The following IPO11 variants were observed in gnomAD, a reference collection of about 807,000 sequenced individuals.
IPO11 encodes the protein importin 11.
A neutral mutation model predicts 143.2 loss-of-function variants in IPO11; 66 were observed. The ratio of observed to expected loss-of-function variants is 0.46; its 90% CI spans 0.38 to 0.57. IPO11 has a LOEUF of 0.57. IPO11 is among the 20% of genes least tolerant of loss of function. IPO11 has a pLI of 0.00. For missense variants in IPO11, 1,026 were observed against 1,141.0 expected, an observed-to-expected ratio of 0.90 and a Z score of 1.45; for synonymous variants, 385 against 377.8, an observed-to-expected ratio of 1.02 and a Z score of -0.22.
In IPO11 at chr5:62,592,059, A is replaced by C. The variant is rs980895529; in HGVS notation, c.2678+387A>C. Among the ~76,000 whole-genome samples, 174 of 152,254 alleles carry C rather than the reference A, an allele frequency of 1.1e-3. 4 individuals are homozygous for C. Among genetic ancestry groups the C allele is most frequent in the Non-Finnish European group, 1.9e-4 (13 of 68,014 alleles). ...GAGACGGGGTTTCTCCATGTTGGTC[A>C]GGGTGGTCTTGAACTCCCGACCTCA... On this transcript the variant is annotated intron_variant, in intron 28 of 29. Transcript: ENST00000325324.
chr5:62,414,806 TGAA>T (rs1286420994), intron 1 of IPO11, among the ~76,000 whole-genome samples: 1 of 152,198 alleles, frequency 6.6e-6, no homozygotes, highest in African/African-American at 2.4e-5. Flanking sequence ...TGGTAACAGT[TGAA>T]GAACACTGAG....
In IPO11 at chr5:62,551,399, G is replaced by T. The variant is rs117099536; in HGVS notation, c.2460+63G>T. On this transcript the variant is annotated intron_variant, in intron 26 of 29. Coordinates refer to ENST00000325324, the MANE Select transcript of IPO11 (RefSeq NM_016338.5). The stretch of plus-strand genomic sequence containing the variant: ...TCTAAATATAAATTAGAAATAGTTT[G>T]ATGAAATAATGAGTCTTTGTAAAAG... 2.4e-4 allele frequency: 213 copies of T among 898,314 alleles called. No homozygotes were observed. In the East Asian group the frequency reaches 5.4e-3, roughly 23 times the overall value. 55.6% of individuals were successfully genotyped at this position (898,314 alleles called of 1,614,324 possible).
intron 26 of IPO11, among the ~76,000 whole-genome samples, chr5:62,553,104 T>C (rs1743445918): frequency 1.3e-5 from 2 of 152,150 alleles, no homozygotes; most frequent in Admixed American, 1.3e-4. Context: ...TCTCTCTCTC[T>C]CCTCACTTTC....
intron 29 of IPO11, among the ~76,000 whole-genome samples, chr5:62,609,260 T>C (rs750750245): frequency 1.2e-4 from 19 of 152,206 alleles, no homozygotes; most frequent in Non-Finnish European, 2.6e-4. Context: ...GATGAGAGGC[T>C]AAAGGGTGTT....
At chr5:62,545,822 A>C (rs1464766792) in intron 24 of IPO11, among the ~76,000 whole-genome samples, 1 of 152,262 alleles carries the variant, frequency 6.6e-6, no homozygotes, top group Admixed American at 6.5e-5. Flanking sequence ...GAAGACATTT[A>C]TGCAGCCAAC....
At chr5:62,537,348 T>C (rs1742769274) in intron 24 of IPO11, 59 bp downstream of exon 24, 5 of 1,124,730 alleles carry the variant, frequency 4.4e-6, no homozygotes, top group South Asian at 3.9e-5. Context: ...TTTTATGAAA[T>C]TGGACTTTCA....
chr5:62,529,170 CAATA>C (rs1224676313), intron 21 of IPO11, among the ~76,000 whole-genome samples: 2 of 152,008 alleles, frequency 1.3e-5, no homozygotes, highest in Admixed American at 6.5e-5. Flanking sequence ...ACATTTAATA[CAATA>C]AATTATTTTT....
chr5:62,550,052 A>G (rs1009155884), intron 24 of IPO11, among the ~76,000 whole-genome samples: 2 of 152,178 alleles, frequency 1.3e-5, no homozygotes, highest in African/African-American at 4.8e-5. Context: ...TTTAAGGGTT[A>G]TTTGTTTACA....
intron 26 of IPO11, among the ~76,000 whole-genome samples, chr5:62,557,731 A>G (rs1038100989): frequency 4.6e-5 from 7 of 152,154 alleles, no homozygotes; most frequent in Non-Finnish European, 1.0e-4. Flanking sequence ...CCTTTCCAGA[A>G]TGCTGTGTTC....
intron 3 of IPO11, among the ~76,000 whole-genome samples, chr5:62,444,770 G>A (rs933748568): frequency 1.3e-5 from 2 of 151,994 alleles, no homozygotes; most frequent in Admixed American, 6.6e-5. Context: ...TGGGGAGGGT[G>A]ACACAGGAGA....
At chr5:62,471,880 T>C (rs908671384) in intron 7 of IPO11, among the ~76,000 whole-genome samples, 6 of 152,234 alleles carry the variant, frequency 3.9e-5, no homozygotes, top group African/African-American at 7.2e-5. Flanking sequence ...GTAACTGTTA[T>C]GTGGTTTTCT....
chr5:62,433,193 T>G (rs1408840585), intron 1 of IPO11, among the ~76,000 whole-genome samples: 3 of 152,076 alleles, frequency 2.0e-5, no homozygotes, highest in African/African-American at 7.2e-5. Context: ...TGTTGGCATT[T>G]AGTAGACTTG....
chr5:62,490,912 C>T (rs1301826972), intron 15 of IPO11, among the ~76,000 whole-genome samples: 2 of 152,196 alleles, frequency 1.3e-5, no homozygotes, highest in East Asian at 1.9e-4. Flanking sequence ...CATGCCACCA[C>T]ACCTGGCCAG....
At chr5:62,567,416 T>A (rs1743980177) in intron 27 of IPO11, among the ~76,000 whole-genome samples, 1 of 151,618 alleles carries the variant, frequency 6.6e-6, no homozygotes, top group South Asian at 2.1e-4. Flanking sequence ...TCCTTGGTGG[T>A]CTTTGACTCT....
chr5:62,526,514 G>A, intron 21 of IPO11: 1 of 271,558 alleles, frequency 3.7e-6, no homozygotes, highest in Non-Finnish European at 7.0e-6. Context: ...GTAATATGGG[G>A]TCATGGTAAC....
chr5:62,516,310 T>C (rs970941122), intron 20 of IPO11, among the ~76,000 whole-genome samples: 11 of 152,334 alleles, frequency 7.2e-5, no homozygotes, highest in Non-Finnish European at 1.6e-4. Flanking sequence ...TTTTTCCTTT[T>C]TGAGACGGAG....
At chr5:62,483,355 T>C (rs1236872095) in intron 10 of IPO11, 62 bp downstream of exon 10, 43 of 986,634 alleles carry the variant, frequency 4.4e-5, no homozygotes, top group Non-Finnish European at 2.9e-6. Flanking sequence ...ATAATTGCTA[T>C]AATTACAAAC....
At chr5:62,548,915 A>G (rs897301240) in intron 24 of IPO11, among the ~76,000 whole-genome samples, 4 of 151,994 alleles carry the variant, frequency 2.6e-5, no homozygotes, top group Admixed American at 1.3e-4. Context: ...CTGTAATTTT[A>G]GTAGGGTTTT....
At chr5:62,571,523 G>T (rs1212654048) in intron 27 of IPO11, among the ~76,000 whole-genome samples, 1 of 152,132 alleles carries the variant, frequency 6.6e-6, no homozygotes, top group Non-Finnish European at 1.5e-5. Flanking sequence ...TATTCAGTAG[G>T]TACATCTCTT....
Sources: gnomAD v4.1 joint callset for allele counts (sites outside exome capture counted in the v4.1 genomes callset) on GRCh38, gnomAD v4.1.1 for gene constraint, MANE v1.5 for transcripts, NCBI Gene and HGNC (gene_info 2026-07-23, HGNC 2026-07-21) for gene names.